The following CCNQ variants were observed in gnomAD, a reference collection of about 807,000 sequenced individuals.
The protein encoded by CCNQ is cyclin-Q.
Under a neutral mutation model 17.7 loss-of-function variants are expected in CCNQ, and 3 were observed. The observed-to-expected ratio is 0.17, with a 90% CI of 0.08 to 0.44. CCNQ has a LOEUF of 0.44. Among genes scored for constraint, CCNQ ranks in the 20% least tolerant of loss-of-function variants. CCNQ has a pLI of 0.99. For missense variants in CCNQ, 146 were observed against 222.6 expected, an observed-to-expected ratio of 0.66 and a Z score of 2.19; for synonymous variants, 73 against 96.0, an observed-to-expected ratio of 0.76 and a Z score of 1.40.
In CCNQ at chrX:153,591,142, G is replaced by A. The variant is rs782100632; in HGVS notation, c.657+1364C>T. 3.6e-5 allele frequency among the ~76,000 whole-genome samples: 4 copies of A among 111,598 alleles called. No individual in the cohort carries two copies. The South Asian group carries it at 1.1e-3, about 31-fold the overall frequency. On this transcript the variant is annotated intron_variant, in intron 4 of 4. Transcript: ENST00000576892. ...CCAGGCCGTGAGCTCTGCAGCACCC[G>A]GGTGGGTGAGGCCTCCCAGGATCTC...
In CCNQ at chrX:153,596,007, T is replaced by C. The variant is rs188044074; in HGVS notation, c.293A>G (p.Asn98Ser). The change falls in exon 2 of 5, where the codon AAC becomes AGC. Residue 98 changes from asparagine to serine, a missense_variant. Transcript: ENST00000576892. ...LRTRDIINVS[N>S]RYFNPSGEPL... ...GAGCCCAGCCAAATGCCATTACCTG[T>C]TGGACACATTGATGATGTCACGAGT... 8.3e-7 allele frequency: 1 copy of C among 1,210,623 alleles called. No homozygotes were observed. The highest frequency in any genetic ancestry group is 1.7e-5 in the African/African-American group (1 of 57,423).
At chrX:153,591,608 CA>C (rs1425071622) in intron 4 of CCNQ, among the ~76,000 whole-genome samples, 9 of 111,466 alleles carry the variant, frequency 8.1e-5, no homozygotes, top group African/African-American at 2.9e-4. Flanking sequence ...TTGCCCCCCC[CA>C]GAGTCCAACC....
At chrX:153,597,294 TAAAC>T (rs2091034687) in intron 1 of CCNQ, 1 of 112,576 alleles carries the variant, frequency 8.9e-6, no homozygotes, top group African/African-American at 3.2e-5. Flanking sequence ...TTCAGCCACT[TAAAC>T]AACACACATT....
intron 1 of CCNQ, among the ~76,000 whole-genome samples, chrX:153,598,433 T>C (rs1338370385): frequency 6.4e-5 from 7 of 110,217 alleles, no homozygotes; most frequent in African/African-American, 2.3e-4. Flanking sequence ...AAAAAAATAC[T>C]GTTGATGGCT....
chrX:153,594,267 A>G (rs782184424), intron 3 of CCNQ, among the ~76,000 whole-genome samples: 6 of 112,590 alleles, frequency 5.3e-5, no homozygotes, highest in Non-Finnish European at 9.4e-5. Flanking sequence ...AGGAGCTGCC[A>G]CAGCTTCAGC....
chrX:153,594,813 A>G lies in CCNQ; in HGVS notation c.297-134T>C, dbSNP rs782289301. 7.1e-5 allele frequency: 50 copies of G among 704,337 alleles called. No individual in the cohort carries two copies. In the Admixed American group the frequency reaches 1.3e-3, roughly 18 times the overall value. 58.0% of individuals were successfully genotyped at this position (704,337 alleles called of 1,213,427 possible). ...CTGCAGATTCATGGAGGGTCATTTTATTTGGGTTTTTATACAAAAATTCTT... is the reference window on the plus strand; with the variant it reads ...CTGCAGATTCATGGAGGGTCATTTTGTTTGGGTTTTTATACAAAAATTCTT... On this transcript the variant is annotated intron_variant, in intron 2 of 4. Transcript: ENST00000576892.
At position 153,588,323 on chromosome X, in the gene CCNQ, G is replaced by A. The variant is rs782330140; in HGVS notation, c.*42C>T. 146 of 1,107,112 alleles carry A rather than the reference G, an allele frequency of 1.3e-4. No individual in the cohort carries two copies. The highest frequency in any genetic ancestry group is 1.7e-4 in the Non-Finnish European group (139 of 800,445). 91.2% of individuals were successfully genotyped at this position (1,107,112 alleles called of 1,213,427 possible). A position where few individuals can be genotyped will look rare whatever the true frequency, so the allele number is the denominator to read the frequency against. On this transcript the variant is annotated 3_prime_UTR_variant, in exon 5 of 5. Coordinates refer to ENST00000576892, the MANE Select transcript of CCNQ (RefSeq NM_152274.5). ...GTGGTGACAATGTCCCCAGGCAGCC[G>A]ACCATCCTGGGCTTCTCTTTGGGCA...
At position 153,594,571 on chromosome X, in the gene CCNQ, C is replaced by T. The variant is rs1450235524; in HGVS notation, c.405G>A (p.Gln135=). 8.3e-7 allele frequency: 1 copy of T among 1,209,557 alleles called. No individual in the cohort carries two copies. The highest frequency in any genetic ancestry group is 1.7e-5 in the African/African-American group (1 of 57,301). ...ELLMLRVLRF[Q]VSFQHPHKYL... Reference sequence around the variant, plus strand: ...CCTTGTGTGGATGCTGGAAGGAGACCTGGAAGCGCAGAACTCTCAGCATGA... The same window carrying T: ...CCTTGTGTGGATGCTGGAAGGAGACTTGGAAGCGCAGAACTCTCAGCATGA... Residue 135 remains glutamine, a synonymous_variant, in exon 3 of 5, where the codon CAG becomes CAA. Coordinates refer to ENST00000576892, the MANE Select transcript of CCNQ (RefSeq NM_152274.5).
At position 153,596,124 on chromosome X, in the gene CCNQ, A is replaced by G; in HGVS notation, c.176T>C (p.Phe59Ser). 1 of 1,212,205 alleles carries G rather than the reference A, an allele frequency of 8.2e-7. No individual in the cohort carries two copies. Residue 59 changes from phenylalanine to serine, a missense_variant, in exon 2 of 5, where the codon TTT becomes TCT. Coordinates refer to ENST00000576892, the MANE Select transcript of CCNQ (RefSeq NM_152274.5). ...ATAGGCGTCCAGGTTGGTCTCGCAA[A>G]AGAACTTATGGTAAATGGTGCAAGC... ...ATACTIYHKF[F>S]CETNLDAYDP...
chrX:153,590,023 T>C (rs2090979927), intron 4 of CCNQ, among the ~76,000 whole-genome samples: 1 of 106,568 alleles, frequency 9.4e-6, no homozygotes, highest in South Asian at 4.2e-4. Context: ...AGGTCACGAG[T>C]TCAAGATCAG....
chrX:153,595,034 C>T (rs1299026648), intron 2 of CCNQ, among the ~76,000 whole-genome samples: 4 of 112,933 alleles, frequency 3.5e-5, no homozygotes, highest in South Asian at 3.6e-4. Context: ...ATACTCAGCC[C>T]GGCATTAGGG....
chrX:153,588,027 T>G lies in CCNQ; in HGVS notation c.*338A>C. ...TTAAGAAATCCGTAGGGATTCAGTC[T>G]CATCGATTTCATGACTTTCCTTTCA... On this transcript the variant is annotated 3_prime_UTR_variant, in exon 5 of 5. Transcript: ENST00000576892. 2.6e-6 allele frequency: 1 copy of G among 390,920 alleles called. No individual in the cohort carries two copies. The highest frequency in any genetic ancestry group is 4.6e-6 in the Non-Finnish European group (1 of 217,669). 32.2% of individuals were successfully genotyped at this position (390,920 alleles called of 1,213,427 possible).
intron 4 of CCNQ, among the ~76,000 whole-genome samples, chrX:153,589,067 G>A (rs1299741211): frequency 8.8e-6 from 1 of 113,039 alleles, no homozygotes; most frequent in Non-Finnish European, 1.9e-5. Flanking sequence ...GCTCCTGGAG[G>A]ATAACCTCTA....
At chrX:153,595,424 G>A (rs1237341763) in intron 2 of CCNQ, among the ~76,000 whole-genome samples, 1 of 113,760 alleles carries the variant, frequency 8.8e-6, no homozygotes, top group Non-Finnish European at 1.9e-5. Flanking sequence ...AGCCATCCAA[G>A]GAACATGTTT....
chrX:153,595,953 G>T, intron 2 of CCNQ, 51 bp downstream of exon 2: 1 of 1,197,909 alleles, frequency 8.3e-7, no homozygotes, highest in Non-Finnish European at 1.1e-6. Flanking sequence ...AGCCTTCCCT[G>T]CCCGTCCCCC....
At chrX:153,595,686 G>T (rs2091022858) in intron 2 of CCNQ, among the ~76,000 whole-genome samples, 1 of 112,207 alleles carries the variant, frequency 8.9e-6, no homozygotes, top group Non-Finnish European at 1.9e-5. Flanking sequence ...AGCCATCCCT[G>T]TCTAAGACTT....
chrX:153,589,018 C>T (rs2090972990), intron 4 of CCNQ, among the ~76,000 whole-genome samples: 1 of 113,205 alleles, frequency 8.8e-6, no homozygotes, highest in African/African-American at 3.2e-5. Flanking sequence ...CTGGGGTCCA[C>T]ACCCTGTACC....
intron 4 of CCNQ, among the ~76,000 whole-genome samples, chrX:153,589,448 G>A (rs981951749): frequency 8.8e-6 from 1 of 113,235 alleles, no homozygotes; most frequent in East Asian, 2.8e-4. Context: ...CTTCGCTCAC[G>A]GTAACCTGTG....
intron 2 of CCNQ, among the ~76,000 whole-genome samples, chrX:153,594,981 G>A (rs2091017441): frequency 8.9e-6 from 1 of 112,776 alleles, no homozygotes; most frequent in Non-Finnish European, 1.9e-5. Context: ...GGCTCCAGAG[G>A]AACCGGAAGC....
Sources: gnomAD v4.1 joint callset for allele counts (sites outside exome capture counted in the v4.1 genomes callset) on GRCh38, gnomAD v4.1.1 for gene constraint, MANE v1.5 for transcripts, NCBI Gene and HGNC (gene_info 2026-07-23, HGNC 2026-07-21) for gene names.